NEO1: variants seen among roughly 807,000 people sequenced by gnomAD.
The protein encoded by NEO1 is neogenin.
A neutral mutation model predicts 159.7 loss-of-function variants in NEO1; 63 were observed. The observed-to-expected ratio is 0.39, with a 90% CI of 0.32 to 0.49. NEO1 has a LOEUF of 0.49. NEO1 is among the 20% of genes least tolerant of loss of function. NEO1 has a pLI of 0.85. For synonymous variants in NEO1, 633 were observed against 662.0 expected (o/e 0.96, Z 0.67); for missense variants, 1,615 against 1,831.0 (o/e 0.88, Z 2.15).
intron 5 of NEO1, among the ~76,000 whole-genome samples, chr15:73,169,815 A>G (rs1391947736): frequency 6.6e-6 from 1 of 151,950 alleles, no homozygotes; most frequent in Non-Finnish European, 1.5e-5. Context: ...GAAGGTAGAA[A>G]AAAATTAGTA....
intron 4 of NEO1, among the ~76,000 whole-genome samples, chr15:73,130,970 A>G (rs2031042553): frequency 6.6e-6 from 1 of 152,168 alleles, no homozygotes; most frequent in Non-Finnish European, 1.5e-5. Context: ...GCTAAGAAGC[A>G]ATGAGGAAAC....
intron 5 of NEO1, among the ~76,000 whole-genome samples, chr15:73,138,496 C>T (rs1429510775): frequency 1.3e-5 from 2 of 151,640 alleles, no homozygotes; most frequent in African/African-American, 2.4e-5. Context: ...GTGGCTCGCG[C>T]CTGTAATCCC....
intron 7 of NEO1, among the ~76,000 whole-genome samples, chr15:73,217,570 T>C (rs1016913480): frequency 6.6e-6 from 1 of 152,260 alleles, no homozygotes; most frequent in African/African-American, 2.4e-5. Flanking sequence ...GAGCATGGAA[T>C]GTTCTTCCAT....
chr15:73,301,660 T>G, intron 28 of NEO1: 1 of 640,688 alleles, frequency 1.6e-6, no homozygotes, highest in South Asian at 2.2e-5. Context: ...GTGCTTTCTT[T>G]CCCATATCCA....
At chr15:73,281,175 T>C (rs917844996) in intron 22 of NEO1, among the ~76,000 whole-genome samples, 2 of 140,372 alleles carry the variant, frequency 1.4e-5, no homozygotes, top group Non-Finnish European at 3.1e-5. Flanking sequence ...GCCACTGTAC[T>C]CCAGCCTGGA....
intron 26 of NEO1, among the ~76,000 whole-genome samples, chr15:73,295,125 A>AAAATATATATATATATATATAT (rs1555470480): frequency 1.0e-5 from 1 of 100,152 alleles, no homozygotes; most frequent in Non-Finnish European, 2.2e-5. Context: ...CTAAATATTA[A>AAAATATATATATATATATATAT]ATATATATAT....
At chr15:73,123,028 G>A (rs985515668) in intron 3 of NEO1, among the ~76,000 whole-genome samples, 1 of 151,962 alleles carries the variant, frequency 6.6e-6, no homozygotes, top group Admixed American at 6.6e-5. Flanking sequence ...ATGGTGGCAG[G>A]CGCTTATAAC....
intron 5 of NEO1, among the ~76,000 whole-genome samples, chr15:73,143,083 A>G (rs1341360409): frequency 6.6e-6 from 1 of 152,228 alleles, no homozygotes; most frequent in Non-Finnish European, 1.5e-5. Context: ...GAGTGACAGA[A>G]CGCATTCAGT....
At chr15:73,184,418 A>C (rs1036610001) in intron 7 of NEO1, among the ~76,000 whole-genome samples, 2 of 152,182 alleles carry the variant, frequency 1.3e-5, no homozygotes, top group Non-Finnish European at 2.9e-5. Flanking sequence ...GAGTCAAACC[A>C]AGAACTCAAA....
chr15:73,266,165 A>G (rs545640947), intron 15 of NEO1, 151 bp from the exon 16 acceptor site: 4 of 594,160 alleles, frequency 6.7e-6, no homozygotes, highest in Admixed American at 3.0e-5. Context: ...TTCCATCTCC[A>G]TATCTCCCTA....
At chr15:73,252,491 G>T (rs1465302428) in intron 11 of NEO1, among the ~76,000 whole-genome samples, 1 of 152,140 alleles carries the variant, frequency 6.6e-6, no homozygotes, top group Admixed American at 6.5e-5. Context: ...AAACCAGATG[G>T]TTCACTTTAC....
At chr15:73,171,384 G>A (rs1334921475) in intron 5 of NEO1, among the ~76,000 whole-genome samples, 1 of 151,916 alleles carries the variant, frequency 6.6e-6, no homozygotes, top group Non-Finnish European at 1.5e-5. Flanking sequence ...GCAACATAGT[G>A]AGACCTCCTC....
chr15:73,126,582 C>T lies in NEO1; in HGVS notation c.878+12C>T. 1.2e-6 allele frequency: 2 copies of T among 1,610,516 alleles called. No individual in the cohort carries two copies. Among genetic ancestry groups the T allele is most frequent in the East Asian group, 2.2e-5 (1 of 44,850 alleles). ...CTTGACACAGAAAGGTAAGTGTTGT[C>T]TGCCTAAAAGCCTTCTTCAGCCTTA... On this transcript the variant is annotated intron_variant, in intron 4 of 28. Transcript: ENST00000261908.
At chr15:73,265,446 G>C (rs2040840377) in intron 15 of NEO1, among the ~76,000 whole-genome samples, 1 of 152,180 alleles carries the variant, frequency 6.6e-6, no homozygotes, top group African/African-American at 2.4e-5. Flanking sequence ...ATCTGTATTT[G>C]TAATTGATGA....
At chr15:73,221,879 TCC>T (rs1415108917) in intron 7 of NEO1, 1 of 154,268 alleles carries the variant, frequency 6.5e-6, no homozygotes, top group African/African-American at 2.4e-5. Flanking sequence ...CCCTTGCGCT[TCC>T]TGAGTGAGGC....
intron 7 of NEO1, among the ~76,000 whole-genome samples, chr15:73,214,878 C>G (rs2037786676): frequency 6.6e-6 from 1 of 152,096 alleles, no homozygotes; most frequent in South Asian, 2.1e-4. Context: ...GCACTATGAT[C>G]ATTTTCACAA....
intron 7 of NEO1, among the ~76,000 whole-genome samples, chr15:73,225,055 G>T (rs931199705): frequency 6.6e-6 from 1 of 152,132 alleles, no homozygotes; most frequent in Non-Finnish European, 1.5e-5. Context: ...GAGCCAGGCT[G>T]CAGTGATTGT....
chr15:73,251,768 A>G (rs1334261885), intron 11 of NEO1, among the ~76,000 whole-genome samples: 2 of 152,200 alleles, frequency 1.3e-5, no homozygotes, highest in Non-Finnish European at 2.9e-5. Context: ...ACTTTGGAAT[A>G]ACGCAAATCT....
chr15:73,288,275 A>T lies in NEO1; in HGVS notation c.3411-38A>T, dbSNP rs374406754. ...GCCTTTTGACAAATACGTTCAAATG[A>T]GTTACTTTTTAAAAGCTCCTCTGAA... is the stretch of plus-strand genomic sequence containing the variant. On this transcript the variant is annotated intron_variant, in intron 23 of 28. Coordinates refer to ENST00000261908, the MANE Select transcript of NEO1 (RefSeq NM_002499.4). 3 of 1,566,208 alleles carry T rather than the reference A, an allele frequency of 1.9e-6. No homozygotes were observed. The African/African-American group carries it at 4.1e-5, about 21-fold the overall frequency.
Sources: gnomAD v4.1 joint callset for allele counts (sites outside exome capture counted in the v4.1 genomes callset) on GRCh38, gnomAD v4.1.1 for gene constraint, MANE v1.5 for transcripts, NCBI Gene and HGNC (gene_info 2026-07-23, HGNC 2026-07-21) for gene names.